Variants in PDE4B observed in about 807,000 individuals in gnomAD.
The protein encoded by PDE4B is 3',5'-cyclic-AMP phosphodiesterase 4B.
A neutral mutation model predicts 82.2 loss-of-function variants in PDE4B; 20 were observed. That is an observed-to-expected ratio of 0.24 (90% CI 0.17 to 0.35). The LOEUF is 0.35. Among genes scored for constraint, PDE4B ranks in the 10% least tolerant of loss-of-function variants. The pLI, the probability that PDE4B is intolerant of heterozygous loss-of-function variation, is 1.00. For missense variants in PDE4B, 655 were observed against 907.2 expected, an observed-to-expected ratio of 0.72 and a Z score of 3.57; for synonymous variants, 320 against 318.9, an observed-to-expected ratio of 1.00 and a Z score of -0.04.
chr1:66,232,843 A>G (rs995897117), intron 3 of PDE4B, among the ~76,000 whole-genome samples: 5 of 152,222 alleles, frequency 3.3e-5, no homozygotes, highest in Non-Finnish European at 4.4e-5. Flanking sequence ...TAGTGTGTTG[A>G]GAAGAAAATA....
chr1:66,060,903 G>T (rs894194047), intron 3 of PDE4B, among the ~76,000 whole-genome samples: 2 of 151,686 alleles, frequency 1.3e-5, no homozygotes, highest in Non-Finnish European at 2.9e-5. Flanking sequence ...GTTTCAGTGG[G>T]GGTATCTTTC....
chr1:65,798,240 T>TGAACTCCTGACCTCAAGTGATCCACC lies in PDE4B; in HGVS notation c.-71+4992_-71+4993insGAACTCCTGACCTCAAGTGATCCACC, dbSNP rs1557752727. On this transcript the variant is annotated intron_variant, in intron 1 of 16. Coordinates refer to ENST00000341517, the MANE Select transcript of PDE4B (RefSeq NM_002600.4). ...TTCACCATGTTGGCCAGGCTAGTCT[T>TGAACTCCTGACCTCAAGTGATCCACC]TTTTTTTTTTTTTTTTTTTTTTTTT... Among the ~76,000 whole-genome samples the TGAACTCCTGACCTCAAGTGATCCACC allele has an allele frequency of 4.0e-3, 199 of 49,484 alleles. 6 individuals are homozygous for TGAACTCCTGACCTCAAGTGATCCACC. Among genetic ancestry groups the TGAACTCCTGACCTCAAGTGATCCACC allele is most frequent in the South Asian group, 5.2e-3 (6 of 1,164 alleles). 32.5% of individuals were successfully genotyped at this position (49,484 alleles called of 152,430 possible).
In PDE4B at chr1:65,838,230, G is replaced by A. The variant is rs187075039; in HGVS notation, c.-71+44982G>A. Among the ~76,000 whole-genome samples the A allele has an allele frequency of 3.4e-3, 510 of 151,824 alleles. 4 individuals carry two copies. The highest frequency in any genetic ancestry group is 0.012 in the African/African-American group (482 of 41,414). ...AGAACGGACATTATTTTTCAAAATG[G>A]GTAAAATATTTCACTAATGCATTTG... On this transcript the variant is annotated intron_variant, in intron 1 of 16. Transcript: ENST00000341517.
chr1:66,299,033 T>C (rs1366543646), intron 7 of PDE4B, among the ~76,000 whole-genome samples: 1 of 152,178 alleles, frequency 6.6e-6, no homozygotes, highest in Non-Finnish European at 1.5e-5. Flanking sequence ...ATCAGAGTAA[T>C]TAGCATATTC....
intron 3 of PDE4B, among the ~76,000 whole-genome samples, chr1:65,998,337 C>T (rs1651666706): frequency 6.6e-6 from 1 of 151,194 alleles, no homozygotes. Context: ...GGAAGTAAGA[C>T]TGTGCCAGCA....
chr1:66,044,527 G>A (rs1002174554), intron 3 of PDE4B, among the ~76,000 whole-genome samples: 4 of 151,670 alleles, frequency 2.6e-5, no homozygotes, highest in African/African-American at 9.7e-5. Flanking sequence ...GATCACAAGC[G>A]ATATATATTT....
chr1:66,324,660 CTCT>C (rs1237734192), intron 7 of PDE4B, among the ~76,000 whole-genome samples: 4 of 152,090 alleles, frequency 2.6e-5, no homozygotes, highest in Non-Finnish European at 5.9e-5. Context: ...GGCAGTGAAC[CTCT>C]TCTTTTATGA....
intron 3 of PDE4B, among the ~76,000 whole-genome samples, chr1:66,021,514 C>G (rs1458591572): frequency 1.3e-5 from 2 of 152,120 alleles, no homozygotes; most frequent in African/African-American, 4.8e-5. Context: ...GGAAGGGATC[C>G]AGTTTCAGCT....
chr1:65,859,920 C>T (rs1646435089), intron 1 of PDE4B, among the ~76,000 whole-genome samples: 1 of 152,130 alleles, frequency 6.6e-6, no homozygotes, highest in South Asian at 2.1e-4. Context: ...TTTGCCCATG[C>T]AGGAGTAGTG....
chr1:66,237,873 A>G (rs1354037322), intron 3 of PDE4B, among the ~76,000 whole-genome samples: 2 of 152,242 alleles, frequency 1.3e-5, no homozygotes, highest in South Asian at 2.1e-4. Flanking sequence ...GTCCCAGGAA[A>G]GTGCCAGGCA....
intron 3 of PDE4B, among the ~76,000 whole-genome samples, chr1:66,086,509 C>A (rs1444052269): frequency 2.6e-5 from 4 of 152,140 alleles, no homozygotes; most frequent in African/African-American, 9.7e-5. Flanking sequence ...TATTTTATGT[C>A]ATAATCATTA....
chr1:66,242,919 C>T (rs1247537025), intron 3 of PDE4B, among the ~76,000 whole-genome samples: 2 of 152,142 alleles, frequency 1.3e-5, no homozygotes, highest in African/African-American at 2.4e-5. Flanking sequence ...GCAAGGATTC[C>T]CCAGGAATAG....
intron 3 of PDE4B, among the ~76,000 whole-genome samples, chr1:66,174,512 C>A (rs940410953): frequency 6.6e-6 from 1 of 152,038 alleles, no homozygotes; most frequent in African/African-American, 2.4e-5. Flanking sequence ...AATCCCAGCA[C>A]TTTAGGAGGC....
intron 7 of PDE4B, among the ~76,000 whole-genome samples, chr1:66,298,378 A>G (rs1657657131): frequency 1.3e-5 from 2 of 152,158 alleles, no homozygotes; most frequent in African/African-American, 2.4e-5. Flanking sequence ...GACCTAGTAG[A>G]CCACAGAAGG....
intron 3 of PDE4B, among the ~76,000 whole-genome samples, chr1:66,032,653 A>ATT (rs368856631): frequency 5.4e-5 from 6 of 110,430 alleles, no homozygotes; most frequent in East Asian, 2.4e-4. Context: ...CATTTATCTA[A>ATT]TTTTTTTTTT....
At chr1:66,360,388 G>A (rs1451575542) in intron 9 of PDE4B, 2 of 152,134 alleles carry the variant, frequency 1.3e-5, no homozygotes, top group East Asian at 1.9e-4. Context: ...GGGCCTATGA[G>A]CAGCCAGAGG....
chr1:65,829,989 C>A (rs1646063850), intron 1 of PDE4B, among the ~76,000 whole-genome samples: 1 of 152,104 alleles, frequency 6.6e-6, no homozygotes, highest in East Asian at 1.9e-4. Flanking sequence ...AAACACAGTT[C>A]TTCTAAAAGG....
At chr1:66,204,959 T>C (rs1454513850) in intron 3 of PDE4B, among the ~76,000 whole-genome samples, 1 of 152,232 alleles carries the variant, frequency 6.6e-6, no homozygotes, top group African/African-American at 2.4e-5. Flanking sequence ...AGCTGTAGAC[T>C]GGAGCTATTC....
At chr1:66,006,097 G>A (rs1652134543) in intron 3 of PDE4B, among the ~76,000 whole-genome samples, 1 of 152,168 alleles carries the variant, frequency 6.6e-6, no homozygotes, top group Non-Finnish European at 1.5e-5. Flanking sequence ...ATGTGTCTCA[G>A]CTTTAAAATA....
Sources: allele counts gnomAD v4.1 joint callset (sites outside exome capture counted in the v4.1 genomes callset), GRCh38; gene constraint gnomAD v4.1.1; transcripts MANE v1.5; gene names NCBI Gene and HGNC (gene_info 2026-07-23, HGNC 2026-07-21).